Variants in UBAP2 observed in about 807,000 individuals in gnomAD.
UBAP2 encodes the protein ubiquitin-associated protein 2.
In UBAP2, 75 loss-of-function variants were observed where a neutral mutation model predicts 139.6. That is an observed-to-expected ratio of 0.54 (90% CI 0.45 to 0.65). The LOEUF is 0.65. Among genes scored for constraint, UBAP2 ranks in the 30% least tolerant of loss-of-function variants. The probability of loss-of-function intolerance (pLI) is 0.00; values close to 1 mark genes in which losing one functional copy is unlikely to be tolerated. For synonymous variants in UBAP2, 526 were observed against 526.2 expected (o/e 1.00, Z 0.01); for missense variants, 1,368 against 1,369.6 (o/e 1.00, Z 0.02).
intron 2 of UBAP2, among the ~76,000 whole-genome samples, chr9:34,002,377 C>CT (rs33995709): frequency 5.4e-4 from 59 of 108,480 alleles, no homozygotes; most frequent in African/African-American, 1.8e-3. Flanking sequence ...TGCATAGGTG[C>CT]TTTTTTTTTT....
At chr9:34,025,993 CCAA>C (rs1825369678) in intron 1 of UBAP2, among the ~76,000 whole-genome samples, 3 of 152,174 alleles carry the variant, frequency 2.0e-5, no homozygotes, top group Admixed American at 1.3e-4. Flanking sequence ...TTAACAACCA[CCAA>C]CATTTCTGTT....
chr9:33,954,267 TATACACACACAC>T (rs1251005767), intron 11 of UBAP2, among the ~76,000 whole-genome samples: 6 of 101,680 alleles, frequency 5.9e-5, no homozygotes, highest in East Asian at 4.5e-4. Flanking sequence ...AGTGTGTGTA[TATACACACACAC>T]ACACACACAC....
In UBAP2 at chr9:33,965,825, G is replaced by C. The variant is rs1019986295; in HGVS notation, c.680-2034C>G. On this transcript the variant is annotated intron_variant, in intron 8 of 28. Transcript: ENST00000379238. ...GCACTCTGAGAGGCCGAGGCGGGTA[G>C]ATCACAAGGTCAGGAGATGGAGACC... Among the ~76,000 whole-genome samples the C allele has an allele frequency of 6.6e-5, 10 of 151,282 alleles. No individual in the cohort carries two copies. In the Middle Eastern group the frequency reaches 0.01, roughly 156 times the overall value.
chr9:34,023,188 T>A (rs1295082701), intron 1 of UBAP2, among the ~76,000 whole-genome samples: 1 of 140,856 alleles, frequency 7.1e-6, no homozygotes, highest in African/African-American at 2.7e-5. Context: ...ATCGCACCAC[T>A]CCACTCCAGG....
At chr9:33,924,087 C>G (rs765181112) in intron 23 of UBAP2, 87 bp from the exon 24 acceptor site, 27 of 1,589,572 alleles carry the variant, frequency 1.7e-5, no homozygotes, top group Non-Finnish European at 2.3e-5. Context: ...ACAGGTCTGG[C>G]TGCCAGCTCA....
intron 1 of UBAP2, among the ~76,000 whole-genome samples, chr9:34,038,411 T>C (rs1437766182): frequency 6.6e-6 from 1 of 152,212 alleles, no homozygotes; most frequent in Non-Finnish European, 1.5e-5. Flanking sequence ...GCCTGCCAAG[T>C]GCCTGCGATT....
intron 6 of UBAP2, 124 bp from the exon 7 acceptor site, chr9:33,973,361 C>T: frequency 9.5e-7 from 1 of 1,052,888 alleles, no homozygotes; most frequent in Non-Finnish European, 1.4e-6. Flanking sequence ...CACCAACATT[C>T]CAATCCAGGG....
intron 1 of UBAP2, among the ~76,000 whole-genome samples, chr9:34,040,593 G>A (rs1412721294): frequency 1.3e-5 from 2 of 152,120 alleles, no homozygotes; most frequent in East Asian, 1.9e-4. Flanking sequence ...TTAAAAAGAA[G>A]TTAGCAAGTT....
chr9:34,047,380 T>C (rs1202480016), intron 1 of UBAP2, among the ~76,000 whole-genome samples: 1 of 152,192 alleles, frequency 6.6e-6, no homozygotes, highest in African/African-American at 2.4e-5. Flanking sequence ...GTGAGTGTAT[T>C]GAAGGAAACT....
chr9:33,963,776 G>A lies in UBAP2; in HGVS notation c.695C>T (p.Thr232Ile), dbSNP rs2131020251. The change falls in exon 9 of 29, where the codon ACT becomes ATT. Residue 232 changes from threonine (T) to isoleucine (I), a missense_variant. Thr to Ile is a moderately conservative substitution (Grantham distance 89). Transcript: ENST00000379238. ...ADEGTELASN[T>I]HNIAQDLSNK... ...TGACAGATCCTGAGCTATGTTGTGAGTATTTGATGCCAGTTCTGTGGACCA... is the reference window on the plus strand; with the variant it reads ...TGACAGATCCTGAGCTATGTTGTGAATATTTGATGCCAGTTCTGTGGACCA... 2 of 1,612,300 alleles carry A rather than the reference G, an allele frequency of 1.2e-6. No homozygotes were observed. The highest frequency in any genetic ancestry group is 1.7e-6 in the Non-Finnish European group (2 of 1,178,624).
chr9:33,923,353 G>A, intron 25 of UBAP2, 26 bp downstream of exon 25: 3 of 1,613,954 alleles, frequency 1.9e-6, no homozygotes, highest in Non-Finnish European at 2.5e-6. Context: ...AACCCCATGT[G>A]TCTCTGTCTG....
At chr9:34,046,377 G>A (rs1827583869) in intron 1 of UBAP2, among the ~76,000 whole-genome samples, 1 of 151,756 alleles carries the variant, frequency 6.6e-6, no homozygotes, top group Non-Finnish European at 1.5e-5. Flanking sequence ...ATGCCGGGCG[G>A]GGTGGCTCAC....
At chr9:33,926,223 C>T (rs1032674039) in intron 22 of UBAP2, among the ~76,000 whole-genome samples, 1 of 152,150 alleles carries the variant, frequency 6.6e-6, no homozygotes, top group Admixed American at 6.5e-5. Context: ...CTATATGGTA[C>T]TCTGAGGAAG....
intron 8 of UBAP2, among the ~76,000 whole-genome samples, chr9:33,967,429 T>C (rs1156417915): frequency 6.6e-6 from 1 of 152,230 alleles, no homozygotes; most frequent in Non-Finnish European, 1.5e-5. Flanking sequence ...CACCATTGAC[T>C]GTAACACCTG....
At position 33,941,760 on chromosome 9, in the gene UBAP2, A is replaced by G. The variant is rs1825228720; in HGVS notation, c.1818T>C (p.Asn606=). ...AAGACATTGCTACTGGACTAGCAGAATTCAGTGATGAGCTTGTCAGACTGC... is the reference window on the plus strand; with the variant it reads ...AAGACATTGCTACTGGACTAGCAGAGTTCAGTGATGAGCTTGTCAGACTGC... ...TSCSLTSSSL[N]SASPVAMSSS... Residue 606 remains asparagine (N), a synonymous_variant, in exon 16 of 29, where the codon AAT becomes AAC. Transcript: ENST00000379238. The G allele has an allele frequency of 1.2e-6, 2 of 1,614,114 alleles. No homozygotes were observed. The highest frequency in any genetic ancestry group is 1.1e-5 in the South Asian group (1 of 91,086).
intron 2 of UBAP2, chr9:34,011,774 C>G (rs1015937784): frequency 2.4e-6 from 1 of 413,392 alleles, no homozygotes; most frequent in Non-Finnish European, 3.3e-6. Context: ...GGTCACATCT[C>G]AAGTTGAAAA....
intron 2 of UBAP2, among the ~76,000 whole-genome samples, chr9:34,013,922 A>G (rs1824003212): frequency 6.6e-6 from 1 of 151,950 alleles, no homozygotes; most frequent in East Asian, 1.9e-4. Context: ...GCCACTTTTT[A>G]TGACACCAAT....
rs776429442 is a variant in UBAP2 at position 33,922,874 on chromosome 9, A to C, written c.3077T>G (p.Phe1026Cys). 1.0e-4 allele frequency: 159 copies of C among 1,597,622 alleles called. 2 individuals carry two copies. The highest frequency in any genetic ancestry group is 2.0e-4 in the South Asian group (18 of 89,600). Residue 1026 changes from phenylalanine (F) to cysteine (C), a missense_variant, in exon 28 of 29, where the codon TTT becomes TGT. Physicochemically the swap from Phe to Cys is radical, Grantham distance 205. Transcript: ENST00000379238. ...CCCTGCATGAAATCCCTGCTTGTCA[A>C]AAGTCTACAGGGCAAAGAAGACAAT... Reference protein sequence around the residue: ...TGSVYNKTQTFDKQGFHAGTP... With the variant: ...TGSVYNKTQTCDKQGFHAGTP...
At chr9:33,982,369 C>T (rs766658366) in intron 6 of UBAP2, among the ~76,000 whole-genome samples, 2 of 152,152 alleles carry the variant, frequency 1.3e-5, no homozygotes, top group Admixed American at 1.3e-4. Context: ...TCCACACTTA[C>T]GACAACTTAC....
Sources: gnomAD v4.1 joint callset for allele counts (sites outside exome capture counted in the v4.1 genomes callset) on GRCh38, gnomAD v4.1.1 for gene constraint, MANE v1.5 for transcripts, NCBI Gene and HGNC (gene_info 2026-07-23, HGNC 2026-07-21) for gene names.